The following AGBL1 variants were observed in gnomAD, a reference collection of about 807,000 sequenced individuals.
The protein encoded by AGBL1 is AGBL carboxypeptidase 1.
A neutral mutation model predicts 118.9 loss-of-function variants in AGBL1; 130 were observed. That is an observed-to-expected ratio of 1.09 (90% CI 0.95 to 1.26). The LOEUF is 1.26. AGBL1 is among the 50% of genes most tolerant of loss of function. AGBL1 has a pLI of 0.00. For synonymous variants in AGBL1, 555 were observed against 478.9 expected (o/e 1.16, Z -2.08); for missense variants, 1,584 against 1,298.1 (o/e 1.22, Z -3.38).
chr15:86,827,710 T>C (rs1379050326), intron 22 of AGBL1, among the ~76,000 whole-genome samples: 1 of 146,064 alleles, frequency 6.8e-6, no homozygotes, highest in East Asian at 2.0e-4. Context: ...TTGTCTTCTT[T>C]GAGGAAACTC....
rs1233693903 is a variant in AGBL1, at chr15:86,463,871, C to T, written c.2556-58939C>T. On this transcript the variant is annotated intron_variant, in intron 18 of 22. Coordinates refer to ENST00000614907, the MANE Select transcript of AGBL1 (RefSeq NM_001386094.1). ...TGTAGTATAGTTTGAAGTCAGGTAG[C>T]GTGATGCCTCCAGCTTCATCCTTTT... 2.6e-5 allele frequency among the ~76,000 whole-genome samples: 4 copies of T among 152,066 alleles called. No individual in the cohort carries two copies. The East Asian group carries it at 5.8e-4, about 22-fold the overall frequency.
chr15:86,607,482 T>C (rs1238525550), intron 21 of AGBL1, among the ~76,000 whole-genome samples: 1 of 152,198 alleles, frequency 6.6e-6, no homozygotes, highest in Non-Finnish European at 1.5e-5. Flanking sequence ...TGTTTGATTT[T>C]GTAGGAAACC....
intron 18 of AGBL1, among the ~76,000 whole-genome samples, chr15:86,500,301 A>G (rs1035172466): frequency 6.6e-6 from 1 of 151,778 alleles, no homozygotes; most frequent in Non-Finnish European, 1.5e-5. Context: ...AGAACTTGCT[A>G]ATAAATTGTG....
intron 18 of AGBL1, among the ~76,000 whole-genome samples, chr15:86,445,159 C>T (rs369381965): frequency 1.4e-4 from 21 of 152,288 alleles, no homozygotes; most frequent in Admixed American, 9.1e-4. Flanking sequence ...AACAATCACA[C>T]TGGCACTCAG....
At chr15:86,553,659 G>A (rs2083692688) in intron 20 of AGBL1, among the ~76,000 whole-genome samples, 2 of 152,264 alleles carry the variant, frequency 1.3e-5, no homozygotes, top group African/African-American at 2.4e-5. Flanking sequence ...TAACAGTGAG[G>A]CTGGATGTAG....
intron 22 of AGBL1, among the ~76,000 whole-genome samples, chr15:86,870,943 T>A (rs756039851): frequency 2.6e-5 from 4 of 152,322 alleles, no homozygotes; most frequent in Non-Finnish European, 5.9e-5. Flanking sequence ...GATTCCTTAG[T>A]CGACTTGACA....
At chr15:86,635,255 C>T (rs1322875702) in intron 21 of AGBL1, among the ~76,000 whole-genome samples, 3 of 96,264 alleles carry the variant, frequency 3.1e-5, no homozygotes, top group Non-Finnish European at 6.2e-5. Flanking sequence ...CCTCCTCCTC[C>T]CCCTCCCCCT....
chr15:87,011,426 A>G (rs184170225), intron 24 of AGBL1, among the ~76,000 whole-genome samples: 16 of 152,382 alleles, frequency 1.0e-4, no homozygotes, highest in African/African-American at 3.8e-4. Context: ...AAGGGGGAAT[A>G]TTATGTAACA....
intron 22 of AGBL1, among the ~76,000 whole-genome samples, chr15:86,682,136 C>T (rs2085970132): frequency 6.6e-6 from 1 of 152,070 alleles, no homozygotes; most frequent in African/African-American, 2.4e-5. Flanking sequence ...CTATTCTTAG[C>T]TTCTTTCTAT....
At chr15:86,212,941 T>C (rs2078125569) in intron 5 of AGBL1, among the ~76,000 whole-genome samples, 1 of 152,192 alleles carries the variant, frequency 6.6e-6, no homozygotes, top group Non-Finnish European at 1.5e-5. Flanking sequence ...TGGGCCACTG[T>C]ACCTGGACGA....
intron 22 of AGBL1, among the ~76,000 whole-genome samples, chr15:86,740,761 T>G (rs142719691): frequency 7.9e-5 from 12 of 152,108 alleles, no homozygotes; most frequent in Non-Finnish European, 1.8e-4. Flanking sequence ...CTGGCAAAGA[T>G]AAGGAAATGA....
intron 20 of AGBL1, among the ~76,000 whole-genome samples, chr15:86,553,022 C>T (rs1196654447): frequency 3.9e-5 from 6 of 151,966 alleles, no homozygotes; most frequent in Admixed American, 1.3e-4. Context: ...AAGAGATTTG[C>T]TCAATGTTCT....
At chr15:86,478,788 CA>C (rs2082601212) in intron 18 of AGBL1, among the ~76,000 whole-genome samples, 2 of 152,036 alleles carry the variant, frequency 1.3e-5, no homozygotes, top group African/African-American at 4.8e-5. Flanking sequence ...AATCCTAAGC[CA>C]AAAGAACAAA....
At position 86,910,641 on chromosome 15, in the gene AGBL1, T is replaced by A. The variant is rs1434920101; in HGVS notation, c.*3347T>A. The A allele has an allele frequency of 2.0e-4, 31 of 152,112 alleles. No individual in the cohort carries two copies. Among genetic ancestry groups the A allele is most frequent in the Admixed American group, 2.0e-3 (31 of 15,272 alleles). 9.4% of individuals were successfully genotyped at this position (152,112 alleles called of 1,614,324 possible). On this transcript the variant is annotated 3_prime_UTR_variant, in exon 23 of 23. Coordinates refer to ENST00000614907, the MANE Select transcript of AGBL1 (RefSeq NM_001386094.1). The stretch of plus-strand genomic sequence containing the variant: ...TTCAGGTCAAAGATAATAAGTGCAG[T>A]TTGGGGACATGTTAAATGTTGGTGG...
At chr15:86,793,953 A>G (rs960367272) in intron 22 of AGBL1, among the ~76,000 whole-genome samples, 4 of 152,230 alleles carry the variant, frequency 2.6e-5, no homozygotes, top group African/African-American at 7.2e-5. Context: ...GAAAGTAACC[A>G]GCGTTGGTGA....
At chr15:86,647,920 C>T (rs183128314) in intron 21 of AGBL1, among the ~76,000 whole-genome samples, 101 of 152,162 alleles carry the variant, frequency 6.6e-4, no homozygotes, top group Non-Finnish European at 1.2e-3. Flanking sequence ...GGTGGAAGAA[C>T]CTTCCAGAGG....
At chr15:86,358,272 A>T (rs912639673) in intron 17 of AGBL1, among the ~76,000 whole-genome samples, 1 of 152,088 alleles carries the variant, frequency 6.6e-6, no homozygotes, top group African/African-American at 2.4e-5. Context: ...TAAAAGTAAG[A>T]TCATGCAGTA....
At chr15:86,593,281 C>T (rs1301036967) in intron 21 of AGBL1, among the ~76,000 whole-genome samples, 2 of 142,142 alleles carry the variant, frequency 1.4e-5, no homozygotes, top group Non-Finnish European at 3.0e-5. Flanking sequence ...CAGCTCTTGT[C>T]CCAAGGAACC....
At chr15:86,236,652 T>G (rs374687486) in intron 6 of AGBL1, among the ~76,000 whole-genome samples, 2 of 151,792 alleles carry the variant, frequency 1.3e-5, no homozygotes, top group South Asian at 2.1e-4. Flanking sequence ...TGGAGTAGTT[T>G]TAAGGAGTGG....
Sources: gnomAD v4.1 joint callset for allele counts (sites outside exome capture counted in the v4.1 genomes callset) on GRCh38, gnomAD v4.1.1 for gene constraint, MANE v1.5 for transcripts, NCBI Gene and HGNC (gene_info 2026-07-23, HGNC 2026-07-21) for gene names.